Variants in PSAP observed in about 807,000 individuals in gnomAD.
The protein encoded by PSAP is prosaposin.
Under a neutral mutation model 66.0 loss-of-function variants are expected in PSAP, and 25 were observed. That is an observed-to-expected ratio of 0.38 (90% CI 0.28 to 0.53). The LOEUF (loss-of-function observed/expected upper bound fraction) is 0.53. Among genes scored for constraint, PSAP ranks in the 20% least tolerant of loss-of-function variants. The pLI is 0.83. For synonymous variants in PSAP, 273 were observed against 258.9 expected (o/e 1.05, Z -0.52); for missense variants, 649 against 668.8 (o/e 0.97, Z 0.33).
intron 1 of PSAP, among the ~76,000 whole-genome samples, chr10:71,842,592 G>A (rs1374565389): frequency 1.3e-5 from 2 of 152,104 alleles, no homozygotes; most frequent in Non-Finnish European, 2.9e-5. Context: ...ACCAACTTCT[G>A]AAACCAAAAG....
At chr10:71,838,066 G>A (rs1039996316) in intron 1 of PSAP, among the ~76,000 whole-genome samples, 6 of 152,190 alleles carry the variant, frequency 3.9e-5, no homozygotes, top group African/African-American at 1.4e-4. Flanking sequence ...TCATGTGTGG[G>A]TCTCAACCAC....
rs1166917250 is a variant in PSAP, at chr10:71,816,905, G to A, written c.*536C>T. On this transcript the variant is annotated 3_prime_UTR_variant, in exon 14 of 14. Coordinates refer to ENST00000394936, the MANE Select transcript of PSAP (RefSeq NM_002778.4). ...CTTCCAAAATCCCTATGCTATTACA[G>A]TGGGAATTACATCATTTAAAAAGCC... 3 of 198,302 alleles carry A rather than the reference G, an allele frequency of 1.5e-5. No individual in the cohort carries two copies. The East Asian group carries it at 3.6e-4, about 24-fold the overall frequency. 12.3% of individuals were successfully genotyped at this position (198,302 alleles called of 1,614,324 possible).
chr10:71,819,133 CA>C, intron 11 of PSAP, 22 bp from the exon 12 acceptor site: 1 of 1,604,802 alleles, frequency 6.2e-7, no homozygotes, highest in East Asian at 2.2e-5. Context: ...AGTGGGGACA[CA>C]GGTCCAGCTC....
chr10:71,833,033 A>AAAC (rs1842551280), intron 2 of PSAP, among the ~76,000 whole-genome samples: 1 of 122,134 alleles, frequency 8.2e-6, no homozygotes, highest in Non-Finnish European at 1.6e-5. Flanking sequence ...AAAAAAAAAC[A>AAAC]AAAAACAAAA....
In PSAP at chr10:71,829,085, G is replaced by A. The variant is rs2133045123; in HGVS notation, c.376-8C>T. On this transcript the variant is annotated splice_region_variant and splice_polypyrimidine_tract_variant and intron_variant, in intron 4 of 13. Transcript: ENST00000394936. The stretch of plus-strand genomic sequence containing the variant: ...CACCTCCCCAGGACGGCTCTGGTGG[G>A]ATGGAAAGAAGTCCTGCTGAAAATC... 1 of 1,612,888 alleles carries A rather than the reference G, an allele frequency of 6.2e-7. No individual in the cohort carries two copies.
At chr10:71,825,081 C>T (rs534008416) in intron 7 of PSAP, among the ~76,000 whole-genome samples, 2 of 152,298 alleles carry the variant, frequency 1.3e-5, no homozygotes, top group East Asian at 1.9e-4. Context: ...ACAAAACAGG[C>T]GTCGCTGTGT....
At position 71,821,974 on chromosome 10, in the gene PSAP, A is replaced by T. The variant is rs1842309649; in HGVS notation, c.811T>A (p.Cys271Ser). 2 of 1,614,086 alleles carry T rather than the reference A, an allele frequency of 1.2e-6. No individual in the cohort carries two copies. Among genetic ancestry groups the T allele is most frequent in the African/African-American group, 2.7e-5 (2 of 74,942 alleles). ...PKEICALVGF[C>S]DEVKEMPMQT... ...ATGGGCATCTCTTTCACCTCATCACAGAACCCAACCAGCGCACAGATCTCC... is the reference window on the plus strand; with the variant it reads ...ATGGGCATCTCTTTCACCTCATCACTGAACCCAACCAGCGCACAGATCTCC... The change falls in exon 8 of 14, where the codon TGT becomes AGT. Residue 271 changes from cysteine to serine, a missense_variant. Physicochemically the swap from Cys to Ser is moderately radical, Grantham distance 112. Coordinates refer to ENST00000394936, the MANE Select transcript of PSAP (RefSeq NM_002778.4).
chr10:71,835,669 C>G (rs1184482583), intron 1 of PSAP, among the ~76,000 whole-genome samples: 1 of 152,144 alleles, frequency 6.6e-6, no homozygotes, highest in East Asian at 1.9e-4. Flanking sequence ...AGATTCACAT[C>G]TCACTTCTAG....
intron 1 of PSAP, among the ~76,000 whole-genome samples, chr10:71,841,388 G>C (rs1254007889): frequency 6.6e-6 from 1 of 152,202 alleles, no homozygotes; most frequent in Admixed American, 6.5e-5. Context: ...ATATATGTGA[G>C]TCTACTATAA....
rs1397037328 is a variant in PSAP at position 71,833,028 on chromosome 10, AAAACAAAAAAC to A, written c.175-1119_175-1109del. Among the ~76,000 whole-genome samples the A allele has an allele frequency of 2.6e-4, 35 of 132,344 alleles. 4 individuals carry two copies. Among genetic ancestry groups the A allele is most frequent in the Non-Finnish European group, 3.8e-4 (24 of 63,308 alleles). The allele number at this position is 132,344 out of a possible 152,430, so 86.8% of individuals were successfully genotyped here. ...TGAGAGTCCATCTCAAAAAAAAAAAAAAACAAAAAACAAAAACAGAAGGCCGGGCCATGACA... is the reference window on the plus strand; with the variant it reads ...TGAGAGTCCATCTCAAAAAAAAAAAAAAAAACAGAAGGCCGGGCCATGACA... On this transcript the variant is annotated intron_variant, in intron 2 of 13. Coordinates refer to ENST00000394936, the MANE Select transcript of PSAP (RefSeq NM_002778.4).
At chr10:71,828,270 A>G in intron 5 of PSAP, 113 bp from the exon 6 acceptor site, 1 of 1,105,610 alleles carries the variant, frequency 9.0e-7, no homozygotes, top group Non-Finnish European at 1.4e-6. Context: ...AGTTCCTAAG[A>G]TGCTTTACAG....
intron 8 of PSAP, among the ~76,000 whole-genome samples, chr10:71,821,200 C>G (rs1842294550): frequency 6.6e-6 from 1 of 152,220 alleles, no homozygotes; most frequent in African/African-American, 2.4e-5. Flanking sequence ...AGACCAACAG[C>G]TGGCAGTCAA....
Position 71,820,270 on chromosome 10 carries a change from C to T in PSAP, c.975G>A (p.Val325=). 2.5e-6 allele frequency: 4 copies of T among 1,614,136 alleles called. No individual in the cohort carries two copies. Among genetic ancestry groups the T allele is most frequent in the Non-Finnish European group, 3.4e-6 (4 of 1,179,974 alleles). The stretch of plus-strand genomic sequence containing the variant: ...TCTTGTTGTTGTCAATCAGCTTGGT[C>T]ACCTCCTTCACCAGGAATTCACACA... The part of the protein sequence containing the change: ...CEVCEFLVKE[V]TKLIDNNKTE... The change falls in exon 9 of 14, where the codon GTG becomes GTA. Residue 325 remains valine, a synonymous_variant. Coordinates refer to ENST00000394936, the MANE Select transcript of PSAP (RefSeq NM_002778.4).
At chr10:71,843,650 G>A (rs185694868) in intron 1 of PSAP, among the ~76,000 whole-genome samples, 22 of 152,238 alleles carry the variant, frequency 1.4e-4, no homozygotes, top group African/African-American at 3.6e-4. Flanking sequence ...TTTATTAGAC[G>A]TCGATGTCCA....
At chr10:71,832,353 C>T (rs186974911) in intron 2 of PSAP, among the ~76,000 whole-genome samples, 15 of 152,272 alleles carry the variant, frequency 9.9e-5, no homozygotes, top group Admixed American at 9.8e-4. Context: ...CCCTGCCTCC[C>T]AGGCATGTTA....
chr10:71,839,851 C>T (rs928839415), intron 1 of PSAP, among the ~76,000 whole-genome samples: 11 of 152,044 alleles, frequency 7.2e-5, no homozygotes, highest in Non-Finnish European at 1.3e-4. Context: ...GAGACTCCAT[C>T]AAAAATAAGA....
intron 1 of PSAP, among the ~76,000 whole-genome samples, chr10:71,838,476 C>T (rs922939914): frequency 6.6e-6 from 1 of 152,246 alleles, no homozygotes; most frequent in African/African-American, 2.4e-5. Flanking sequence ...ACACCTTCCA[C>T]CAGGGTGTGG....
At chr10:71,820,991 A>T (rs1324574065) in intron 8 of PSAP, among the ~76,000 whole-genome samples, 1 of 152,258 alleles carries the variant, frequency 6.6e-6, no homozygotes, top group Admixed American at 6.5e-5. Flanking sequence ...TTTCATTAAA[A>T]TTTAAGTAGT....
At chr10:71,846,110 C>A (rs1036265891) in intron 1 of PSAP, among the ~76,000 whole-genome samples, 1 of 152,072 alleles carries the variant, frequency 6.6e-6, no homozygotes, top group African/African-American at 2.4e-5. Flanking sequence ...ACTAACTAAG[C>A]CCTTTTCTGT....
Sources: allele counts gnomAD v4.1 joint callset (sites outside exome capture counted in the v4.1 genomes callset), GRCh38; gene constraint gnomAD v4.1.1; transcripts MANE v1.5; gene names NCBI Gene and HGNC (gene_info 2026-07-23, HGNC 2026-07-21).